Variants in EPHA6 observed in about 807,000 individuals in gnomAD.
EPHA6 encodes ephrin type-A receptor 6.
Under a neutral mutation model 112.0 loss-of-function variants are expected in EPHA6, and 50 were observed. The observed-to-expected ratio is 0.45, with a 90% CI of 0.36 to 0.56. The LOEUF is 0.56. Ranked by LOEUF, EPHA6 falls within the 20% of genes least tolerant of loss-of-function variation. The pLI, the probability that EPHA6 is intolerant of heterozygous loss-of-function variation, is 0.00. For synonymous variants in EPHA6, 529 were observed against 490.7 expected, an observed-to-expected ratio of 1.08 and a Z score of -1.03; for missense variants, 1,280 against 1,417.4, an observed-to-expected ratio of 0.90 and a Z score of 1.56.
At chr3:97,015,111 A>G (rs1218855166) in intron 3 of EPHA6, among the ~76,000 whole-genome samples, 2 of 152,204 alleles carry the variant, frequency 1.3e-5, no homozygotes, top group African/African-American at 4.8e-5. Context: ...CTCTTGATCA[A>G]ATTTAACTCC....
chr3:97,509,640 T>C (rs2092328321), intron 10 of EPHA6, among the ~76,000 whole-genome samples: 1 of 152,128 alleles, frequency 6.6e-6, no homozygotes, highest in African/African-American at 2.4e-5. Context: ...ATTTCAACCT[T>C]AGTGAATCTG....
intron 11 of EPHA6, among the ~76,000 whole-genome samples, chr3:97,538,828 G>A (rs570654662): frequency 2.0e-4 from 30 of 152,268 alleles, no homozygotes; most frequent in Non-Finnish European, 1.6e-4. Flanking sequence ...AGTGAGATAT[G>A]TGCACACTGC....
At chr3:97,703,040 A>G (rs902089878) in intron 14 of EPHA6, among the ~76,000 whole-genome samples, 1 of 152,174 alleles carries the variant, frequency 6.6e-6, no homozygotes, top group Non-Finnish European at 1.5e-5. Flanking sequence ...GGCTCATGAG[A>G]AAGAAAGATT....
intron 3 of EPHA6, among the ~76,000 whole-genome samples, chr3:97,102,317 G>C (rs577977637): frequency 7.9e-5 from 12 of 152,132 alleles, no homozygotes; most frequent in African/African-American, 2.9e-4. Context: ...TAAATGCTAC[G>C]TGGAGCAAAG....
At chr3:96,954,918 C>T (rs1354746786) in intron 2 of EPHA6, among the ~76,000 whole-genome samples, 2 of 151,004 alleles carry the variant, frequency 1.3e-5, no homozygotes, top group Admixed American at 6.6e-5. Context: ...CTCAGCCTCC[C>T]GAGTAGCTGG....
intron 5 of EPHA6, among the ~76,000 whole-genome samples, chr3:97,259,327 C>G (rs1576789415): frequency 1.3e-5 from 2 of 152,086 alleles, no homozygotes; most frequent in Non-Finnish European, 2.9e-5. Flanking sequence ...ATTCCACTCT[C>G]TGTCACTTTC....
At chr3:97,113,212 T>G (rs1576510059) in intron 3 of EPHA6, among the ~76,000 whole-genome samples, 1 of 152,278 alleles carries the variant, frequency 6.6e-6, no homozygotes, top group South Asian at 2.1e-4. Context: ...TGATTTATAC[T>G]GTTTTAGATC....
chr3:96,937,891 C>T (rs2040691358), intron 2 of EPHA6, among the ~76,000 whole-genome samples: 1 of 152,254 alleles, frequency 6.6e-6, no homozygotes, highest in South Asian at 2.1e-4. Flanking sequence ...TTATTTTTGT[C>T]AGGTTTGTCA....
chr3:97,543,233 C>G (rs1460062453), intron 11 of EPHA6, among the ~76,000 whole-genome samples: 1 of 151,950 alleles, frequency 6.6e-6, no homozygotes, highest in African/African-American at 2.4e-5. Context: ...TTTAGGTCTA[C>G]CATTTAAGCC....
chr3:96,830,330 G>C (rs963488659), intron 1 of EPHA6, among the ~76,000 whole-genome samples: 1 of 152,018 alleles, frequency 6.6e-6, no homozygotes, highest in Admixed American at 6.6e-5. Context: ...ATATAAAAAT[G>C]TATCTCCAGT....
At chr3:97,308,805 C>A (rs1055370775) in intron 5 of EPHA6, among the ~76,000 whole-genome samples, 1 of 151,678 alleles carries the variant, frequency 6.6e-6, no homozygotes, top group Non-Finnish European at 1.5e-5. Context: ...ACATTCTACC[C>A]GAGTATGGCA....
chr3:97,358,376 C>G (rs2084192793), intron 5 of EPHA6, among the ~76,000 whole-genome samples: 1 of 151,992 alleles, frequency 6.6e-6, no homozygotes, highest in Non-Finnish European at 1.5e-5. Flanking sequence ...CTCATGCCCT[C>G]TTGGTTGTTG....
intron 14 of EPHA6, among the ~76,000 whole-genome samples, chr3:97,641,797 G>A (rs1305088148): frequency 1.4e-4 from 22 of 152,170 alleles, no homozygotes; most frequent in East Asian, 1.9e-4. Context: ...CTATGCCCAC[G>A]GAGTCTCGCT....
intron 3 of EPHA6, chr3:97,009,907 A>C (rs1339260549): frequency 8.1e-5 from 37 of 456,680 alleles, no homozygotes; most frequent in South Asian, 5.2e-4. Flanking sequence ...TCCATGGGTC[A>C]TGCTAGCCTT....
chr3:97,102,428 G>A (rs903216462), intron 3 of EPHA6, among the ~76,000 whole-genome samples: 4 of 152,050 alleles, frequency 2.6e-5, no homozygotes, highest in Non-Finnish European at 5.9e-5. Context: ...TAGGGGGATA[G>A]TGTATGACAA....
At chr3:97,154,820 A>AG (rs1482357583) in intron 3 of EPHA6, among the ~76,000 whole-genome samples, 1 of 152,192 alleles carries the variant, frequency 6.6e-6, no homozygotes, top group African/African-American at 2.4e-5. Context: ...TTCAAGACAC[A>AG]GTGATGAAAT....
At chr3:96,848,057 A>T (rs954572110) in intron 1 of EPHA6, among the ~76,000 whole-genome samples, 2 of 152,082 alleles carry the variant, frequency 1.3e-5, no homozygotes, top group African/African-American at 4.8e-5. Context: ...TTAAAGTTTC[A>T]AAATCATTTA....
At chr3:96,945,791 A>G (rs2041224299) in intron 2 of EPHA6, among the ~76,000 whole-genome samples, 1 of 152,220 alleles carries the variant, frequency 6.6e-6, no homozygotes, top group Non-Finnish European at 1.5e-5. Flanking sequence ...GTGAAAAAGA[A>G]TAAATGCATG....
intron 14 of EPHA6, among the ~76,000 whole-genome samples, chr3:97,700,902 C>A (rs1329036373): frequency 6.6e-6 from 1 of 152,066 alleles, no homozygotes; most frequent in African/African-American, 2.4e-5. Context: ...CCAACCCTGA[C>A]ACAGCAGGGA....
Sources: gnomAD v4.1 joint callset for allele counts (sites outside exome capture counted in the v4.1 genomes callset) on GRCh38, gnomAD v4.1.1 for gene constraint, MANE v1.5 for transcripts, NCBI Gene and HGNC (gene_info 2026-07-23, HGNC 2026-07-21) for gene names.